The following MS4A10 variants were observed in gnomAD, a reference collection of about 807,000 sequenced individuals.
MS4A10 encodes membrane spanning 4-domains A10.
A neutral mutation model predicts 27.7 loss-of-function variants in MS4A10; 27 were observed. That is an observed-to-expected ratio of 0.98 (90% CI 0.72 to 1.35). The LOEUF is 1.35. MS4A10 is among the 40% of genes most tolerant of loss of function. The pLI, the probability that MS4A10 is intolerant of heterozygous loss-of-function variation, is 0.00. For synonymous variants in MS4A10, 139 were observed against 131.2 expected (o/e 1.06, Z -0.41); for missense variants, 338 against 324.7 (o/e 1.04, Z -0.32).
intron 3 of MS4A10, 67 bp downstream of exon 3, chr11:60,791,160 T>C: frequency 2.5e-6 from 4 of 1,595,106 alleles, no homozygotes; most frequent in Non-Finnish European, 3.4e-6. Context: ...GGCCCTGGCA[T>C]TTGGGACAGG....
intron 3 of MS4A10, 96 bp from the exon 4 acceptor site, chr11:60,792,168 AG>A (rs1854441589): frequency 3.1e-5 from 27 of 873,708 alleles, no homozygotes; most frequent in Non-Finnish European, 4.3e-5. Flanking sequence ...CTGGCCGCCA[AG>A]GGTTGATTTT....
At chr11:60,798,535 C>T (rs754688268) in intron 7 of MS4A10, 21 bp downstream of exon 7, 2 of 1,580,880 alleles carry the variant, frequency 1.3e-6, no homozygotes, top group East Asian at 4.5e-5. Context: ...TTGGCCCTGG[C>T]TCCCCAGACC....
intron 6 of MS4A10, 59 bp from the exon 7 acceptor site, chr11:60,798,337 G>T: frequency 7.7e-7 from 1 of 1,305,124 alleles, no homozygotes; most frequent in South Asian, 1.2e-5. Flanking sequence ...GAAGTGTTTC[G>T]GAAGCAGCCA....
intron 4 of MS4A10, among the ~76,000 whole-genome samples, 159 bp downstream of exon 4, chr11:60,792,480 C>T (rs921926731): frequency 1.3e-5 from 2 of 152,046 alleles, no homozygotes; most frequent in African/African-American, 4.8e-5. Context: ...GCAGAAGGGT[C>T]CAGATGCAGA....
At chr11:60,786,786 G>A (rs1180490850) in intron 1 of MS4A10, among the ~76,000 whole-genome samples, 2 of 152,174 alleles carry the variant, frequency 1.3e-5, no homozygotes, top group Non-Finnish European at 2.9e-5. Flanking sequence ...GACATTTATT[G>A]CTATACGCCA....
chr11:60,800,003 A>G lies in MS4A10; in HGVS notation c.*94A>G. 6.3e-7 allele frequency: 1 copy of G among 1,598,438 alleles called. No homozygotes were observed. The highest frequency in any genetic ancestry group is 1.7e-5 in the Admixed American group (1 of 59,604). ...CACTGGGAAGATGAGATTTGCACAT[A>G]CAAAAGGCTAGAGCGATGGTCTATA... On this transcript the variant is annotated 3_prime_UTR_variant, in exon 8 of 8. Coordinates refer to ENST00000308287, the MANE Select transcript of MS4A10 (RefSeq NM_206893.4).
chr11:60,786,735 T>C (rs1224037516), intron 1 of MS4A10, among the ~76,000 whole-genome samples: 1 of 151,854 alleles, frequency 6.6e-6, no homozygotes, highest in Non-Finnish European at 1.5e-5. Flanking sequence ...GCCTCACTGG[T>C]GGGATTCTAG....
intron 1 of MS4A10, among the ~76,000 whole-genome samples, chr11:60,788,974 C>T (rs367742075): frequency 6.6e-6 from 1 of 152,354 alleles, no homozygotes. Flanking sequence ...CCTCCTGGCA[C>T]AGTGCCCGGC....
At chr11:60,799,378 T>G (rs1433377916) in intron 7 of MS4A10, among the ~76,000 whole-genome samples, 1 of 152,208 alleles carries the variant, frequency 6.6e-6, no homozygotes, top group African/African-American at 2.4e-5. Context: ...TGAGCTGCAA[T>G]GTATTCTGGT....
rs910648272 is a variant in MS4A10, at chr11:60,800,049, G to C, written c.*140G>C. On this transcript the variant is annotated 3_prime_UTR_variant, in exon 8 of 8. Transcript: ENST00000308287. ...CTATACAGCAAAGTCAGCCCTCACA[G>C]CTCCTGGGAACGCTGTCCTCTCAGA... 4 of 1,268,974 alleles carry C rather than the reference G, an allele frequency of 3.2e-6. No individual in the cohort carries two copies. The Admixed American group carries it at 6.7e-5, about 21-fold the overall frequency. The allele number at this position is 1,268,974 out of a possible 1,614,324, so 78.6% of individuals were successfully genotyped here. A position where few individuals can be genotyped will look rare whatever the true frequency, so the allele number is the denominator to read the frequency against.
chr11:60,790,752 G>A (rs1030223763), intron 2 of MS4A10, among the ~76,000 whole-genome samples: 1 of 152,238 alleles, frequency 6.6e-6, no homozygotes, highest in Non-Finnish European at 1.5e-5. Context: ...GCAGAAGGCT[G>A]CCAGCTCCAG....
chr11:60,792,653 C>A (rs1854450984), intron 4 of MS4A10, among the ~76,000 whole-genome samples: 1 of 152,220 alleles, frequency 6.6e-6, no homozygotes, highest in African/African-American at 2.4e-5. Flanking sequence ...TAATCTTAAT[C>A]ACCACATAGC....
At position 60,801,203 on chromosome 11, in the gene MS4A10, G is replaced by T. The variant is rs1053994081; in HGVS notation, c.*1294G>T. On this transcript the variant is annotated 3_prime_UTR_variant, in exon 8 of 8. Coordinates refer to ENST00000308287, the MANE Select transcript of MS4A10 (RefSeq NM_206893.4). ...AGCTCTGCCAATCACTTACTGTGCG[G>T]GTTTGACTCAGTCCCTTCCCCTCAC... is the stretch of plus-strand genomic sequence containing the variant. 1 of 152,202 alleles carries T rather than the reference G, an allele frequency of 6.6e-6. No homozygotes were observed. The highest frequency in any genetic ancestry group is 1.5e-5 in the Non-Finnish European group (1 of 68,038). 9.4% of individuals were successfully genotyped at this position (152,202 alleles called of 1,614,324 possible). A position where few individuals can be genotyped will look rare whatever the true frequency, so the allele number is the denominator to read the frequency against.
At chr11:60,796,754 T>C (rs1854540752) in intron 6 of MS4A10, among the ~76,000 whole-genome samples, 1 of 152,126 alleles carries the variant, frequency 6.6e-6, no homozygotes, top group African/African-American at 2.4e-5. Flanking sequence ...GGGGATGGCA[T>C]AGGGCTAGAT....
At position 60,800,103 on chromosome 11, in the gene MS4A10, C is replaced by T; in HGVS notation, c.*194C>T. On this transcript the variant is annotated 3_prime_UTR_variant, in exon 8 of 8. Coordinates refer to ENST00000308287, the MANE Select transcript of MS4A10 (RefSeq NM_206893.4). ...GCCATTTCTTACATAGTTGATGGCT[C>T]GATATCTGTGGTGGCCCAGATTGTT... 3 of 731,256 alleles carry T rather than the reference C, an allele frequency of 4.1e-6. No individual in the cohort carries two copies. Among genetic ancestry groups the T allele is most frequent in the Non-Finnish European group, 4.4e-6 (2 of 450,026 alleles). 45.3% of individuals were successfully genotyped at this position (731,256 alleles called of 1,614,324 possible).
intron 3 of MS4A10, among the ~76,000 whole-genome samples, chr11:60,791,871 G>A (rs1854436433): frequency 6.6e-6 from 1 of 152,224 alleles, no homozygotes; most frequent in African/African-American, 2.4e-5. Context: ...TTGGAAGCAA[G>A]AACTCATATC....
chr11:60,798,972 C>A (rs1427886806), intron 7 of MS4A10, among the ~76,000 whole-genome samples: 1 of 152,220 alleles, frequency 6.6e-6, no homozygotes, highest in Non-Finnish European at 1.5e-5. Flanking sequence ...CTTGCCTCAA[C>A]CTACTAAGAC....
In MS4A10 at chr11:60,790,563, GA is replaced by G. The variant is rs770187404; in HGVS notation, c.183+46del. ...GGTCCCAGCAGTGGGAGGCAGAGGA[GA>G]GGGGGATATGAGGAGGATGCTGGGG... is the stretch of plus-strand genomic sequence containing the variant. On this transcript the variant is annotated intron_variant, in intron 2 of 7. Transcript: ENST00000308287. 28 of 1,607,460 alleles carry G rather than the reference GA, an allele frequency of 1.7e-5. No homozygotes were observed. The East Asian group carries it at 5.6e-4, about 32-fold the overall frequency.
At position 60,792,320 on chromosome 11, in the gene MS4A10, T is replaced by C. The variant is rs1854444724; in HGVS notation, c.359T>C (p.Leu120Pro). 1 of 1,605,880 alleles carries C rather than the reference T, an allele frequency of 6.2e-7. No homozygotes were observed. The highest frequency in any genetic ancestry group is 2.2e-5 in the East Asian group (1 of 44,834). Residue 120 changes from leucine to proline, a missense_variant and splice_region_variant, in exon 4 of 8, where the codon CTG (leucine) becomes CCG (proline). Transcript: ENST00000308287. ...ATGAAGACCTTTTCTAAAACTTACC[T>C]GGTGAGTGGGCACACTGAGATCATT... ...ITMKTFSKTY[L>P]KMLCLMTNLI...
Sources: allele counts gnomAD v4.1 joint callset (sites outside exome capture counted in the v4.1 genomes callset), GRCh38; gene constraint gnomAD v4.1.1; transcripts MANE v1.5; gene names NCBI Gene and HGNC (gene_info 2026-07-23, HGNC 2026-07-21).